The following MYH7B variants were observed in gnomAD, a reference collection of about 807,000 sequenced individuals.
MYH7B encodes myosin-7B.
A neutral mutation model predicts 234.5 loss-of-function variants in MYH7B; 205 were observed. The observed-to-expected ratio is 0.87, with a 90% CI of 0.78 to 0.98. MYH7B has a LOEUF of 0.98. MYH7B is among the 50% of genes least tolerant of loss of function. The pLI, the probability that MYH7B is intolerant of heterozygous loss-of-function variation, is 0.00. For missense variants in MYH7B, 2,652 were observed against 2,633.4 expected, an observed-to-expected ratio of 1.01 and a Z score of -0.15; for synonymous variants, 1,193 against 1,105.0, an observed-to-expected ratio of 1.08 and a Z score of -1.58.
At chr20:34,985,824 G>C (rs965809128) in intron 13 of MYH7B, among the ~76,000 whole-genome samples, 4 of 151,994 alleles carry the variant, frequency 2.6e-5, no homozygotes, top group Non-Finnish European at 5.9e-5. Flanking sequence ...CACACCAACA[G>C]ATAAAAACCT....
At chr20:34,957,240 T>G (rs1244210739) in intron 1 of MYH7B, among the ~76,000 whole-genome samples, 1 of 152,150 alleles carries the variant, frequency 6.6e-6, no homozygotes, top group Non-Finnish European at 1.5e-5. Flanking sequence ...CTAAGGGCTT[T>G]AAGCAGGGGA....
exon 10 of MYH7B, chr20:34,982,545 G>A (rs767089106): frequency 6.2e-7 from 1 of 1,606,036 alleles, no homozygotes; most frequent in Non-Finnish European, 8.5e-7. Flanking sequence ...GACGGGCCGG[G>A]CAAGAAGGCC....
In MYH7B at chr20:34,989,731, T is replaced by C; in HGVS notation, c.1588-9T>C. The C allele has an allele frequency of 2.5e-6, 4 of 1,612,938 alleles. No homozygotes were observed. Among genetic ancestry groups the C allele is most frequent in the Non-Finnish European group, 3.4e-6 (4 of 1,179,460 alleles). On this transcript the variant is annotated splice_polypyrimidine_tract_variant and intron_variant, in intron 19 of 44. Transcript: ENST00000262873. ...TGATGGTGGCTTTTCAAGCTCGTTC[T>C]GTTCCCAGCCACTGGGCATCCTGTC...
At chr20:34,991,399 A>G (rs1213616642) in intron 24 of MYH7B, among the ~76,000 whole-genome samples, 5 of 152,168 alleles carry the variant, frequency 3.3e-5, no homozygotes, top group Admixed American at 6.5e-5. Flanking sequence ...AAGACGAATG[A>G]TTTCTAGTTT....
intron 9 of MYH7B, 70 bp from the exon 10 acceptor site, chr20:34,982,389 G>A (rs1275154704): frequency 3.8e-6 from 5 of 1,330,728 alleles, no homozygotes; most frequent in Non-Finnish European, 5.4e-6. Context: ...CTGCTTGAGG[G>A]GTGAGGCATT....
exon 39 of MYH7B, chr20:35,000,432 C>T (rs962004130): frequency 1.9e-5 from 30 of 1,601,766 alleles, no homozygotes; most frequent in East Asian, 1.3e-4. Context: ...CCATGCCACC[C>T]GTCAGGCCAC....
chr20:34,984,927 A>G (rs780414758), exon 12 of MYH7B: 24 of 1,613,710 alleles, frequency 1.5e-5, no homozygotes, highest in Non-Finnish European at 1.9e-5. Flanking sequence ...ACCCTGAGGA[A>G]TGATAACTCC....
Position 34,994,415 on chromosome 20 carries a change from C to T in MYH7B, c.2700+14C>T. ...CAGCTGCAGGCTGTGAGTCAGGGTTCCCCTTGTGACCGGGCGTCCCCAGCC... is the reference window on the plus strand; with the variant it reads ...CAGCTGCAGGCTGTGAGTCAGGGTTTCCCTTGTGACCGGGCGTCCCCAGCC... On this transcript the variant is annotated intron_variant, in intron 27 of 44. Coordinates refer to ENST00000262873, the Ensembl canonical transcript of MYH7B. 6.4e-7 allele frequency: 1 copy of T among 1,554,576 alleles called. No individual in the cohort carries two copies. Among genetic ancestry groups the T allele is most frequent in the Non-Finnish European group, 8.7e-7 (1 of 1,151,378 alleles).
exon 45 of MYH7B, chr20:35,002,322 C>A: frequency 1.0e-6 from 1 of 974,068 alleles, no homozygotes; most frequent in Non-Finnish European, 1.4e-6. Context: ...ATAAACACCA[C>A]AGCCAGTTTC....
At chr20:34,987,030 G>A (rs200447346) in intron 15 of MYH7B, 41 bp downstream of exon 15, 11 of 1,609,656 alleles carry the variant, frequency 6.8e-6, no homozygotes, top group African/African-American at 1.3e-5. Context: ...GGACGCCTGT[G>A]GTGGAATCGG....
At chr20:34,969,336 C>A (rs1171858238) in intron 2 of MYH7B, among the ~76,000 whole-genome samples, 3 of 152,076 alleles carry the variant, frequency 2.0e-5, no homozygotes, top group African/African-American at 7.2e-5. Context: ...GTTATACATA[C>A]ACGATTTAAA....
At position 34,987,582 on chromosome 20, in the gene MYH7B, GGGGGTCA is replaced by G. The variant is rs1569043923; in HGVS notation, c.1175_1181del (p.Gly392AlafsTer16). 1.2e-6 allele frequency: 2 copies of G among 1,613,692 alleles called. No homozygotes were observed. Among genetic ancestry groups the G allele is most frequent in the Non-Finnish European group, 1.7e-6 (2 of 1,179,716 alleles). ...GTGCTGACAAGGCTGCCTACCTGAT[GGGGGTCA>G]GCAGTGGGGACCTCCTCAAAGGCCT... is the stretch of plus-strand genomic sequence containing the variant. On this transcript the variant is annotated frameshift_variant, in exon 17 of 45. Coordinates refer to ENST00000262873, the Ensembl canonical transcript of MYH7B. LOFTEE classifies it high-confidence loss of function.
chr20:34,984,940 C>T (rs2081993470), exon 12 of MYH7B: 1 of 1,613,582 alleles, frequency 6.2e-7, no homozygotes, highest in Middle Eastern at 1.7e-4. Flanking sequence ...ATAACTCCTC[C>T]CGCTTTGTGA....
Position 34,977,638 on chromosome 20 carries a change from TA to T in MYH7B, c.-111del, listed in dbSNP as rs1303843917. 2 of 1,576,870 alleles carry T rather than the reference TA, an allele frequency of 1.3e-6. No homozygotes were observed. The highest frequency in any genetic ancestry group is 2.3e-5 in the East Asian group (1 of 43,792). On this transcript the variant is annotated 5_prime_UTR_variant, in exon 4 of 45. An upstream open reading frame in the 5' UTR gains an earlier in-frame stop. Transcript: ENST00000262873. The stretch of plus-strand genomic sequence containing the variant: ...CCTCCTCTGACCTTGACAGTGGCAA[TA>T]AAAGGGGTAGCAGAGCTTCCTGCCC...
chr20:34,993,732 C>T (rs531162675), intron 26 of MYH7B, among the ~76,000 whole-genome samples: 2 of 152,224 alleles, frequency 1.3e-5, no homozygotes, highest in South Asian at 2.1e-4. Flanking sequence ...AAGACTCTTG[C>T]GGGCCGGGCC....
intron 43 of MYH7B, among the ~76,000 whole-genome samples, 187 bp from the exon 44 acceptor site, chr20:35,001,761 A>G (rs1330293097): frequency 1.3e-5 from 2 of 152,156 alleles, no homozygotes; most frequent in Non-Finnish European, 2.9e-5. Flanking sequence ...GGCAGGCACA[A>G]AAAGGCACAT....
At chr20:34,997,251 G>A in exon 32 of MYH7B, 1 of 1,557,756 alleles carries the variant, frequency 6.4e-7, no homozygotes, top group East Asian at 2.4e-5. Context: ...CCCACCCCAG[G>A]CTCGGGCGGA....
chr20:34,986,282 C>T (rs2082021664), intron 14 of MYH7B, 84 bp downstream of exon 14: 3 of 1,104,850 alleles, frequency 2.7e-6, no homozygotes, highest in African/African-American at 1.6e-5. Flanking sequence ...AGGCCAGGCC[C>T]TGGTGGTCTT....
chr20:34,979,994 G>C (rs2081919017), intron 7 of MYH7B, 190 bp downstream of exon 7: 1 of 647,516 alleles, frequency 1.5e-6, no homozygotes. Flanking sequence ...GAGCAGTGGG[G>C]GCGGGGCTGG....
Sources: gnomAD v4.1 joint callset for allele counts (sites outside exome capture counted in the v4.1 genomes callset) on GRCh38, gnomAD v4.1.1 for gene constraint, MANE v1.5 for transcripts, NCBI Gene and HGNC (gene_info 2026-07-23, HGNC 2026-07-21) for gene names.